ZNF574: variants seen among roughly 807,000 people sequenced by gnomAD.
ZNF574 encodes the protein zinc finger protein 574.
A neutral mutation model predicts 56.6 loss-of-function variants in ZNF574; 25 were observed. That is an observed-to-expected ratio of 0.44 (90% CI 0.32 to 0.62). The LOEUF (loss-of-function observed/expected upper bound fraction) is 0.62. Among genes scored for constraint, ZNF574 ranks in the 20% least tolerant of loss-of-function variants. ZNF574 has a pLI of 0.04. For missense variants in ZNF574, 1,065 were observed against 1,218.9 expected (o/e 0.87, Z 1.88); for synonymous variants, 543 against 492.1 (o/e 1.10, Z -1.37).
rs781412022 is a variant in ZNF574 at position 42,079,716 on chromosome 19, C to T, written c.1110C>T (p.Gly370=). The change falls in exon 2 of 2, where the codon GGC becomes GGT. Residue 370 remains glycine, a synonymous_variant. Transcript: ENST00000359044. This position sits in a 1 kb window ranked among gnomAD's most constrained non-coding sequence, Gnocchi z 4.3. The part of the protein sequence containing the change: ...SESHFLCVDC[G]LAFGTEALLL... ...CACACTTCCTGTGTGTAGACTGTGG[C>T]CTGGCCTTCGGCACAGAGGCCCTCC... 4 of 1,614,032 alleles carry T rather than the reference C, an allele frequency of 2.5e-6. No homozygotes were observed. Among genetic ancestry groups the T allele is most frequent in the Admixed American group, 1.7e-5 (1 of 60,008 alleles).
At chr19:42,072,235 TC>T (rs1184392694), upstream of ZNF574, among the ~76,000 whole-genome samples, 1 of 147,928 alleles carries the variant, frequency 6.8e-6, no homozygotes, top group Admixed American at 6.6e-5. Flanking sequence ...TTTTTCCTTT[TC>T]TTTTTTTTTT....
chr19:42,071,801 C>G (rs1356629082), upstream of ZNF574, among the ~76,000 whole-genome samples: 1 of 152,108 alleles, frequency 6.6e-6, no homozygotes, highest in Admixed American at 6.5e-5. Context: ...GTTGGGAGTT[C>G]AAGACCAGCC....
At chr19:42,069,019 G>C (rs1157252553) in intron 1 of ZNF574, 3 of 513,264 alleles carry the variant, frequency 5.8e-6, no homozygotes, top group Non-Finnish European at 1.0e-5. Flanking sequence ...AAGCTAGAGG[G>C]CCAGGGGCGG....
intron 1 of ZNF574, among the ~76,000 whole-genome samples, chr19:42,069,755 C>T (rs1189204471): frequency 6.6e-6 from 1 of 151,538 alleles, no homozygotes; most frequent in African/African-American, 2.4e-5. Context: ...CGCCCCCTTT[C>T]CCCCTCCCCC....
rs764398065 is a variant in ZNF574 at position 42,081,330 on chromosome 19, C to T, written c.*33C>T. On this transcript the variant is annotated 3_prime_UTR_variant, in exon 2 of 2. Coordinates refer to ENST00000359044, the MANE Select transcript of ZNF574 (RefSeq NM_022752.6). ...CGACTTCCTCTTTGGCACCTCCATT[C>T]CCTGTTGCTGAAGGCCCTCCAGCAT... The T allele has an allele frequency of 8.7e-6, 14 of 1,613,666 alleles. No individual in the cohort carries two copies. The highest frequency in any genetic ancestry group is 1.2e-5 in the Non-Finnish European group (14 of 1,179,830).
chr19:42,076,361 C>T (rs1415089341), intron 1 of ZNF574, 75 bp downstream of exon 1: 1 of 151,962 alleles, frequency 6.6e-6, no homozygotes, highest in Non-Finnish European at 1.5e-5. Context: ...GCCAGGTCGC[C>T]TGCGCACTGA....
rs2076471714 is a variant in ZNF574 at position 42,078,606 on chromosome 19, C to T, written c.-1C>T. ...TTCCAGCCCAGGGCCTTGCTGCCGCCATGACTGAGGAATCAGAGGAGACAG... is the reference window on the plus strand; with the variant it reads ...TTCCAGCCCAGGGCCTTGCTGCCGCTATGACTGAGGAATCAGAGGAGACAG... On this transcript the variant is annotated 5_prime_UTR_variant, in exon 2 of 2. Coordinates refer to ENST00000359044, the MANE Select transcript of ZNF574 (RefSeq NM_022752.6). 1 of 1,607,202 alleles carries T rather than the reference C, an allele frequency of 6.2e-7. No individual in the cohort carries two copies. The highest frequency in any genetic ancestry group is 8.5e-7 in the Non-Finnish European group (1 of 1,174,930).
chr19:42,076,937 C>G (rs1022402927), intron 1 of ZNF574, among the ~76,000 whole-genome samples: 5 of 151,926 alleles, frequency 3.3e-5, no homozygotes. Flanking sequence ...AGTCTTTGTA[C>G]AAAGAAGGAT....
At chr19:42,068,706 A>G in exon 1 of ZNF574, 2 of 487,710 alleles carry the variant, frequency 4.1e-6, no homozygotes, top group South Asian at 3.2e-5. Flanking sequence ...GGATCTAAAC[A>G]GAGACATGCC....
chr19:42,081,336 T>G lies in ZNF574; in HGVS notation c.*39T>G. 6.8e-6 allele frequency: 11 copies of G among 1,613,240 alleles called. No individual in the cohort carries two copies. Among genetic ancestry groups the G allele is most frequent in the Non-Finnish European group, 9.3e-6 (11 of 1,179,316 alleles). On this transcript the variant is annotated 3_prime_UTR_variant, in exon 2 of 2. Transcript: ENST00000359044. ...CCTCTTTGGCACCTCCATTCCCTGTTGCTGAAGGCCCTCCAGCATCCCCTT... is the reference window on the plus strand; with the variant it reads ...CCTCTTTGGCACCTCCATTCCCTGTGGCTGAAGGCCCTCCAGCATCCCCTT...
In ZNF574 at chr19:42,069,258, A is replaced by T. The variant is rs1283611116; in HGVS notation, c.250+297A>T. 4 of 179,270 alleles carry T rather than the reference A, an allele frequency of 2.2e-5. No homozygotes were observed. The East Asian group carries it at 5.0e-4, about 23-fold the overall frequency. 11.1% of individuals were successfully genotyped at this position (179,270 alleles called of 1,614,324 possible). On this transcript the variant is annotated intron_variant, in intron 1 of 1. Coordinates refer to the ZNF574 transcript ENST00000222339. The stretch of plus-strand genomic sequence containing the variant: ...ACACTCACGGATCCTGGTGGGACGG[A>T]GGGCTGGGCTCCCTCGAGGCCCGAA...
rs2076490093 is a variant in ZNF574 at position 42,080,417 on chromosome 19, A to T, written c.1811A>T (p.Glu604Val). 1 of 1,614,186 alleles carries T rather than the reference A, an allele frequency of 6.2e-7. No homozygotes were observed. Among genetic ancestry groups the T allele is most frequent in the Non-Finnish European group, 8.5e-7 (1 of 1,180,034 alleles). The stretch of plus-strand genomic sequence containing the variant: ...ATGCACCGCTACCATCACACAGGTG[A>T]ATACCCCTACAAGTGTCGCGAGTGC... ...LLMHRYHHTG[E>V]YPYKCRECPR... The change falls in exon 2 of 2, where the codon GAA becomes GTA. Residue 604 changes from glutamate to valine, a missense_variant. Physicochemically the swap from Glu to Val is moderately radical, Grantham distance 121. Coordinates refer to ENST00000359044, the MANE Select transcript of ZNF574 (RefSeq NM_022752.6). This position sits in a 1 kb window ranked among gnomAD's most constrained non-coding sequence, Gnocchi z 8.5.
Position 42,080,790 on chromosome 19 carries a change from C to T in ZNF574, c.2184C>T (p.Ser728=), listed in dbSNP as rs755227432. 1 of 1,614,048 alleles carries T rather than the reference C, an allele frequency of 6.2e-7. No individual in the cohort carries two copies. Among genetic ancestry groups the T allele is most frequent in the Non-Finnish European group, 8.5e-7 (1 of 1,180,034 alleles). ...CCCTTGGAAGCACTGCTACAGCATC[C>T]CCTGCGGCCCCTGCCCGCCGCCGGG... ...PAALGSTATA[S]PAAPARRRGL... is the part of the protein sequence containing the mutation. Residue 728 remains serine, a synonymous_variant, in exon 2 of 2, where the codon TCC becomes TCT. Transcript: ENST00000359044. The surrounding 1 kb of genome is among the most constrained non-coding windows in gnomAD (Gnocchi z 8.5).
intron 1 of ZNF574, among the ~76,000 whole-genome samples, chr19:42,069,766 CT>C (rs1353097569): frequency 6.6e-6 from 1 of 151,854 alleles, no homozygotes; most frequent in Non-Finnish European, 1.5e-5. Context: ...CCCCTCCCCC[CT>C]GGAGCCTGGG....
In ZNF574 at chr19:42,080,133, C is replaced by T. The variant is rs755525700; in HGVS notation, c.1527C>T (p.His509=). The stretch of plus-strand genomic sequence containing the variant: ...GCAAGATGTTCAAGAAGAAGTCTCA[C>T]GTGCGTAACCACCTGCGCACACACA... ...ICGKMFKKKS[H]VRNHLRTHTG... is the part of the protein sequence containing the mutation. Residue 509 remains histidine, a synonymous_variant, in exon 2 of 2, where the codon CAC becomes CAT. Coordinates refer to ENST00000359044, the MANE Select transcript of ZNF574 (RefSeq NM_022752.6). The surrounding 1 kb of genome is among the most constrained non-coding windows in gnomAD (Gnocchi z 8.5). 52 of 1,614,000 alleles carry T rather than the reference C, an allele frequency of 3.2e-5. No individual in the cohort carries two copies. The highest frequency in any genetic ancestry group is 5.3e-5 in the African/African-American group (4 of 74,934).
At position 42,078,873 on chromosome 19, in the gene ZNF574, C is replaced by T. The variant is rs2076473779; in HGVS notation, c.267C>T (p.Ser89=). Residue 89 remains serine, a synonymous_variant, in exon 2 of 2, where the codon AGC becomes AGT. Transcript: ENST00000359044. ...LECGQLLMSP[S]QLLEHQELHL... is the part of the protein sequence containing the mutation. ...GTGGTCAACTGCTGATGTCACCCAG[C>T]CAGCTCCTGGAGCACCAGGAGCTGC... is the stretch of plus-strand genomic sequence containing the variant. The T allele has an allele frequency of 6.2e-7, 1 of 1,614,078 alleles. No individual in the cohort carries two copies. The highest frequency in any genetic ancestry group is 2.2e-5 in the East Asian group (1 of 44,876).
chr19:42,081,290 G>C lies in ZNF574; in HGVS notation c.2684G>C (p.Ser895Thr), dbSNP rs1474906322. ...GCCGAGGCTGAGGGGGTCCAGATCA[G>C]TGGCTGACTCTGCCCGACTTCCTCT... ...PLAEAEGVQISG is the reference protein window; with the variant it reads ...PLAEAEGVQITG Residue 895 changes from serine to threonine, a missense_variant, in exon 2 of 2, where the codon AGT (serine) becomes ACT (threonine). Coordinates refer to ENST00000359044, the MANE Select transcript of ZNF574 (RefSeq NM_022752.6). 1 of 1,614,152 alleles carries C rather than the reference G, an allele frequency of 6.2e-7. No homozygotes were observed. Among genetic ancestry groups the C allele is most frequent in the African/African-American group, 1.3e-5 (1 of 75,060 alleles).
At chr19:42,076,742 C>T (rs1417481604) in intron 1 of ZNF574, among the ~76,000 whole-genome samples, 7 of 152,126 alleles carry the variant, frequency 4.6e-5, no homozygotes, top group African/African-American at 1.4e-4. Flanking sequence ...ATATCTAGTT[C>T]TTCCTGGAAA....
chr19:42,080,796 G>A lies in ZNF574; in HGVS notation c.2190G>A (p.Ala730=), dbSNP rs756219843. 84 of 1,613,860 alleles carry A rather than the reference G, an allele frequency of 5.2e-5. No homozygotes were observed. Among genetic ancestry groups the A allele is most frequent in the Non-Finnish European group, 6.4e-5 (75 of 1,180,022 alleles). Residue 730 remains alanine, a synonymous_variant, in exon 2 of 2, where the codon GCG becomes GCA. Coordinates refer to ENST00000359044, the MANE Select transcript of ZNF574 (RefSeq NM_022752.6). This position sits in a 1 kb window ranked among gnomAD's most constrained non-coding sequence, Gnocchi z 8.5. ...GAAGCACTGCTACAGCATCCCCTGC[G>A]GCCCCTGCCCGCCGCCGGGGTCTAG... ...ALGSTATASP[A]APARRRGLEC... is the part of the protein sequence containing the mutation.
Sources: gnomAD v4.1 joint callset for allele counts (sites outside exome capture counted in the v4.1 genomes callset) on GRCh38, gnomAD v4.1.1 for gene constraint, Gnocchi (gnomAD v3.1) non-coding constraint, MANE v1.5 for transcripts, NCBI Gene and HGNC (gene_info 2026-07-23, HGNC 2026-07-21) for gene names.